Variants in PIEZO1 observed in about 807,000 individuals in gnomAD.
PIEZO1 encodes piezo type mechanosensitive ion channel component 1 (Er blood group), also known as piezo-type mechanosensitive ion channel component 1.
PIEZO1 carries 296 observed loss-of-function variants against 297.2 expected under a neutral mutation model. The ratio of observed to expected loss-of-function variants is 1.00; its 90% confidence interval spans 0.91 to 1.10. PIEZO1 has a LOEUF of 1.10. PIEZO1 is among the 50% of genes least tolerant of loss of function. The probability of loss-of-function intolerance (pLI) is 0.00; values close to 1 mark genes in which losing one functional copy is unlikely to be tolerated. For missense variants in PIEZO1, 5,018 were observed against 3,455.5 expected, an observed-to-expected ratio of 1.45 and a Z score of -11.34; for synonymous variants, 2,427 against 1,507.5, an observed-to-expected ratio of 1.61 and a Z score of -14.13.
At position 88,731,740 on chromosome 16, in the gene PIEZO1, C is replaced by G; in HGVS notation, c.3162G>C (p.Leu1054=). 1 of 1,549,816 alleles carries G rather than the reference C, an allele frequency of 6.5e-7. No individual in the cohort carries two copies. The highest frequency in any genetic ancestry group is 8.7e-7 in the Non-Finnish European group (1 of 1,146,828). The change falls in exon 22 of 51, where the codon CTG becomes CTC. Residue 1054 remains leucine (L), a synonymous_variant. Coordinates refer to ENST00000301015, the MANE Select transcript of PIEZO1 (RefSeq NM_001142864.4). ...FLALFLLYQY[L]LCLGMPPALC... ...GGGCCGGGGGCATCCCCAGGCACAG[C>G]AGGTACTGGTACAGCAGGAACAGCG...
chr16:88,776,774 G>A (rs890058637), intron 1 of PIEZO1, among the ~76,000 whole-genome samples: 9 of 152,220 alleles, frequency 5.9e-5, no homozygotes, highest in African/African-American at 2.2e-4. Context: ...GGCCAGTCCG[G>A]CGCTGATAGC....
At position 88,721,590 on chromosome 16, in the gene PIEZO1, T is replaced by C. The variant is rs917439007; in HGVS notation, c.5351A>G (p.Lys1784Arg). Reference protein sequence around the residue: ...LGLEKTDGYIKYDLVQLMALF... With the variant: ...LGLEKTDGYIRYDLVQLMALF... Reference sequence around the variant, plus strand: ...GGCCATGAGCTGCACCAGGTCGTACTTGATGTAGCCGTCAGTCTTCTCCAG... The same window carrying C: ...GGCCATGAGCTGCACCAGGTCGTACCTGATGTAGCCGTCAGTCTTCTCCAG... Residue 1784 changes from lysine (K) to arginine (R), a missense_variant, in exon 38 of 51, where the codon AAG becomes AGG. Coordinates refer to ENST00000301015, the MANE Select transcript of PIEZO1 (RefSeq NM_001142864.4). 3.9e-6 allele frequency: 6 copies of C among 1,550,258 alleles called. No homozygotes were observed. Among genetic ancestry groups the C allele is most frequent in the Admixed American group, 3.9e-5 (2 of 51,004 alleles).
rs111809705 is a variant in PIEZO1, at chr16:88,733,552, C to A, written c.2487+36G>T. ...AGCTGGGCAGGCCAGAGCGACCCCA[C>A]CCCAGATGGGAAGCTGAGTTGCCTG... is the stretch of plus-strand genomic sequence containing the variant. On this transcript the variant is annotated intron_variant, in intron 18 of 50. Transcript: ENST00000301015. The A allele has an allele frequency of 1.8e-3, 2,734 of 1,528,092 alleles. 50 individuals are homozygous for A. In the African/African-American group the frequency reaches 0.034, roughly 19 times the overall value. 94.7% of individuals were successfully genotyped at this position (1,528,092 alleles called of 1,614,324 possible).
chr16:88,756,617 A>C (rs753505073), intron 1 of PIEZO1, among the ~76,000 whole-genome samples: 12 of 151,900 alleles, frequency 7.9e-5, no homozygotes, highest in South Asian at 2.1e-4. Flanking sequence ...AAAATACAAA[A>C]TGTATCTGGG....
chr16:88,767,027 G>T (rs971570357), intron 1 of PIEZO1, among the ~76,000 whole-genome samples: 1 of 152,170 alleles, frequency 6.6e-6, no homozygotes. Context: ...TGTGAGTGCC[G>T]CGACTGCTCT....
rs1490094586 is a variant in PIEZO1, at chr16:88,734,910, T to C, written c.1813A>G (p.Met605Val). The C allele has an allele frequency of 1.3e-6, 2 of 1,550,214 alleles. No homozygotes were observed. The highest frequency in any genetic ancestry group is 1.7e-6 in the Non-Finnish European group (2 of 1,146,918). ...GTGAGGCAGAGCAGGAAGAGGAACA[T>C]GTAGACAATCTTGTAGACCACGAGG... Reference protein sequence around the residue: ...GRLVVYKIVYMFLFLLCLTLF... With the variant: ...GRLVVYKIVYVFLFLLCLTLF... The change falls in exon 14 of 51, where the codon ATG (methionine) becomes GTG (valine). Residue 605 changes from methionine to valine, a missense_variant. By Grantham distance (21) the Met-to-Val change is conservative (BLOSUM62 1). Coordinates refer to ENST00000301015, the MANE Select transcript of PIEZO1 (RefSeq NM_001142864.4).
chr16:88,732,235 A>T, intron 21 of PIEZO1, 100 bp downstream of exon 21: 1 of 1,073,918 alleles, frequency 9.3e-7, no homozygotes, highest in African/African-American at 1.6e-5. Context: ...GCCCAGGCAA[A>T]CCCAGGTGGG....
At chr16:88,730,202 C>T (rs974910683) in intron 22 of PIEZO1, among the ~76,000 whole-genome samples, 4 of 152,270 alleles carry the variant, frequency 2.6e-5, no homozygotes, top group Admixed American at 6.5e-5. Flanking sequence ...CTAAACCTCA[C>T]GCTCCTAGAA....
At chr16:88,725,285 G>T (rs552179952) in intron 29 of PIEZO1, 131 bp downstream of exon 29, 3 of 701,702 alleles carry the variant, frequency 4.3e-6, no homozygotes, top group East Asian at 5.8e-5. Flanking sequence ...CAGACAGAGG[G>T]TGATCATGCG....
rs114709134 is a variant in PIEZO1 at position 88,725,133 on chromosome 16, C to T, written c.4163-53G>A. ...CAGCAGTCAAGCCACCAGGAGGGGTCGGGGCTGTGAGTGCTCCCGTCTTGG... is the reference window on the plus strand; with the variant it reads ...CAGCAGTCAAGCCACCAGGAGGGGTTGGGGCTGTGAGTGCTCCCGTCTTGG... On this transcript the variant is annotated intron_variant, in intron 29 of 50. Coordinates refer to ENST00000301015, the MANE Select transcript of PIEZO1 (RefSeq NM_001142864.4). 2,323 of 1,309,008 alleles carry T rather than the reference C, an allele frequency of 1.8e-3. 38 individuals are homozygous for T. The African/African-American group carries it at 0.031, about 18-fold the overall frequency. The allele number at this position is 1,309,008 out of a possible 1,614,324, so 81.1% of individuals were successfully genotyped here.
intron 2 of PIEZO1, among the ~76,000 whole-genome samples, chr16:88,748,725 A>G (rs115353791): frequency 0.014 from 2,173 of 152,122 alleles, 37 homozygotes; most frequent in East Asian, 0.068. Flanking sequence ...CCCCTGCAAC[A>G]CGGATCAGAA....
In PIEZO1 at chr16:88,784,928, G is replaced by C. The variant is rs762677988; in HGVS notation, c.37C>G (p.Leu13Val). 2.1e-6 allele frequency: 3 copies of C among 1,435,266 alleles called. No homozygotes were observed. The South Asian group carries it at 3.9e-5, about 19-fold the overall frequency. The allele number at this position is 1,435,266 out of a possible 1,614,324, so 88.9% of individuals were successfully genotyped here. Residue 13 changes from leucine to valine, a missense_variant, in exon 1 of 51, where the codon CTG (leucine) becomes GTG (valine). Leu to Val is a conservative substitution (Grantham distance 32). Coordinates refer to ENST00000301015, the MANE Select transcript of PIEZO1 (RefSeq NM_001142864.4). ...PHVLGAVLYW[L>V]LLPCALLAAC... Reference sequence around the variant, plus strand: ...GCCAGCAGCGCGCAGGGCAGCAGCAGCCAGTACAGGACCGCGCCGAGCACG... The same window carrying C: ...GCCAGCAGCGCGCAGGGCAGCAGCACCCAGTACAGGACCGCGCCGAGCACG...
intron 1 of PIEZO1, among the ~76,000 whole-genome samples, chr16:88,754,125 T>C (rs12596437): frequency 0.28 from 43,275 of 152,094 alleles, 6,440 homozygotes; most frequent in East Asian, 0.53. Flanking sequence ...CGCCTGACTA[T>C]GGCCCACATC....
At position 88,721,316 on chromosome 16, in the gene PIEZO1, C is replaced by T. The variant is rs1313559028; in HGVS notation, c.5518G>A (p.Asp1840Asn). Residue 1840 changes from aspartate to asparagine, a missense_variant, in exon 39 of 51, where the codon GAC (aspartate) becomes AAC (asparagine). Transcript: ENST00000301015. ...ACCCTGGCTTCCACCTGAATGTGGT[C>T]TTCGGTGGTGGCCGCAGGCACCCCT... ...GPGVPAATTE[D>N]HIQVEARVGP... 3 of 1,546,340 alleles carry T rather than the reference C, an allele frequency of 1.9e-6. No homozygotes were observed. Among genetic ancestry groups the T allele is most frequent in the African/African-American group, 1.4e-5 (1 of 73,146 alleles).
intron 2 of PIEZO1, chr16:88,743,618 G>A (rs1905846247): frequency 2.2e-6 from 1 of 456,540 alleles, no homozygotes; most frequent in Admixed American, 2.3e-5. Context: ...GGTGTTAGGT[G>A]ACAGACTCGG....
intron 1 of PIEZO1, among the ~76,000 whole-genome samples, chr16:88,769,309 C>T (rs542442312): frequency 6.2e-4 from 94 of 152,290 alleles, no homozygotes; most frequent in African/African-American, 2.2e-3. Context: ...ACCATGGCCT[C>T]CCAAAGTGCT....
intron 22 of PIEZO1, among the ~76,000 whole-genome samples, chr16:88,728,009 C>T (rs1406896661): frequency 2.0e-5 from 3 of 152,192 alleles, no homozygotes; most frequent in South Asian, 4.1e-4. Flanking sequence ...AGAAGCTGCA[C>T]GGACGCCTGC....
At chr16:88,733,790 C>A in intron 17 of PIEZO1, 45 bp from the exon 18 acceptor site, 1 of 1,484,442 alleles carries the variant, frequency 6.7e-7, no homozygotes, top group African/African-American at 1.4e-5. Flanking sequence ...CGGGGATTCC[C>A]GGGTCCCCTG....
In PIEZO1 at chr16:88,721,352, C is replaced by T. The variant is rs532921066; in HGVS notation, c.5482G>A (p.Glu1828Lys). Residue 1828 changes from glutamate to lysine, a missense_variant, in exon 39 of 51, where the codon GAG (glutamate) becomes AAG (lysine). Coordinates refer to ENST00000301015, the MANE Select transcript of PIEZO1 (RefSeq NM_001142864.4). The stretch of plus-strand genomic sequence containing the variant: ...GCCGCAGGCACCCCTGGCCCCTCCT[C>T]GGCTCCCTGCTCCTCCTCGCCGCTC... ...DKSGEEEQGAEEGPGVPAATT... is the reference protein window; with the variant it reads ...DKSGEEEQGAKEGPGVPAATT... 2.1e-4 allele frequency: 324 copies of T among 1,548,858 alleles called. No homozygotes were observed. Among genetic ancestry groups the T allele is most frequent in the Middle Eastern group, 5.0e-4 (3 of 5,990 alleles).
Sources: allele counts gnomAD v4.1 joint callset (sites outside exome capture counted in the v4.1 genomes callset), GRCh38; gene constraint gnomAD v4.1.1; transcripts MANE v1.5; gene names NCBI Gene and HGNC (gene_info 2026-07-23, HGNC 2026-07-21).